The following REDIC1 variants were observed in gnomAD, a reference collection of about 807,000 sequenced individuals.
REDIC1 encodes the protein regulator of DNA class I crossover intermediates 1, also known as HEI10 Interacting Protein 1.
At chr12:39,834,228 G>C in the REDIC1 span, among the ~76,000 whole-genome samples, 1 of 151,964 alleles carries the variant, frequency 6.6e-6, no homozygotes, top group South Asian at 2.1e-4. Flanking sequence ...TGACTCTTGA[G>C]ATAGGTCAAA....
At chr12:39,735,448 G>T in the REDIC1 span, among the ~76,000 whole-genome samples, 2 of 152,312 alleles carry the variant, frequency 1.3e-5, no homozygotes, top group African/African-American at 2.4e-5. Flanking sequence ...CAAGGAGAAT[G>T]TTGATGATGA....
the REDIC1 span, among the ~76,000 whole-genome samples, chr12:39,903,087 G>A: frequency 6.6e-6 from 1 of 152,132 alleles, no homozygotes; most frequent in Non-Finnish European, 1.5e-5. Flanking sequence ...TCGTAATAAT[G>A]AGTCCAATTA....
chr12:39,781,107 C>A, the REDIC1 span, among the ~76,000 whole-genome samples: 1 of 152,118 alleles, frequency 6.6e-6, no homozygotes, highest in African/African-American at 2.4e-5. Flanking sequence ...TTTTTACTCA[C>A]TTCCTGATTT....
the REDIC1 span, among the ~76,000 whole-genome samples, chr12:39,887,196 TC>T: frequency 6.6e-6 from 1 of 152,246 alleles, no homozygotes; most frequent in Non-Finnish European, 1.5e-5. Flanking sequence ...AAGTCTTTTG[TC>T]TAGTTTAGCA....
At chr12:39,727,047 T>C in the REDIC1 span, among the ~76,000 whole-genome samples, 5 of 152,220 alleles carry the variant, frequency 3.3e-5, no homozygotes, top group Non-Finnish European at 7.3e-5. Flanking sequence ...GTAAGTTCCT[T>C]GCAGATTCTG....
chr12:39,858,659 T>G, the REDIC1 span, among the ~76,000 whole-genome samples: 2 of 152,156 alleles, frequency 1.3e-5, no homozygotes, highest in African/African-American at 4.8e-5. Context: ...TGGGCTGGAG[T>G]GCAATGGCAC....
At chr12:39,712,512 C>T in the REDIC1 span, among the ~76,000 whole-genome samples, 6 of 139,588 alleles carry the variant, frequency 4.3e-5, no homozygotes, top group South Asian at 8.7e-4. Flanking sequence ...TACGTATGTA[C>T]GTATATACAC....
chr12:39,766,550 A>C, the REDIC1 span, among the ~76,000 whole-genome samples: 1 of 152,016 alleles, frequency 6.6e-6, no homozygotes, highest in Non-Finnish European at 1.5e-5. Flanking sequence ...TTCTCAAAAT[A>C]AGACAACTGG....
the REDIC1 span, among the ~76,000 whole-genome samples, chr12:39,874,615 CAAAAAAAA>C: frequency 2.0e-5 from 2 of 101,118 alleles, no homozygotes; most frequent in Non-Finnish European, 4.0e-5. Flanking sequence ...AACTCCATCT[CAAAAAAAA>C]AAAAAAAAAA....
chr12:39,715,703 G>A, the REDIC1 span, among the ~76,000 whole-genome samples: 1 of 151,926 alleles, frequency 6.6e-6, no homozygotes, highest in Middle Eastern at 3.4e-3. Context: ...TCACCAAAAC[G>A]AGTGTTTAAT....
chr12:39,724,053 G>C, the REDIC1 span, among the ~76,000 whole-genome samples: 1 of 152,040 alleles, frequency 6.6e-6, no homozygotes, highest in African/African-American at 2.4e-5. Flanking sequence ...CATTTCCCGA[G>C]GGGTGTCTTT....
chr12:39,702,147 G>A, the REDIC1 span, among the ~76,000 whole-genome samples: 2 of 152,100 alleles, frequency 1.3e-5, no homozygotes, highest in Non-Finnish European at 2.9e-5. Flanking sequence ...TAATGAATTT[G>A]GGAGCTGGTT....
chr12:39,847,803 A>G, the REDIC1 span, among the ~76,000 whole-genome samples: 1 of 152,100 alleles, frequency 6.6e-6, no homozygotes, highest in East Asian at 1.9e-4. Flanking sequence ...TATTTTTTTC[A>G]AATGCTTAAA....
the REDIC1 span, among the ~76,000 whole-genome samples, chr12:39,821,056 T>A: frequency 6.6e-6 from 1 of 152,236 alleles, no homozygotes; most frequent in East Asian, 1.9e-4. Flanking sequence ...TCATAATTTT[T>A]TACCCTTTCT....
the REDIC1 span, chr12:39,692,119 A>G: frequency 6.5e-7 from 1 of 1,544,072 alleles, no homozygotes; most frequent in Admixed American, 1.8e-5. Flanking sequence ...ATCTGTCAGT[A>G]TAACTGTATA....
At chr12:39,822,152 G>C in the REDIC1 span, among the ~76,000 whole-genome samples, 1 of 141,910 alleles carries the variant, frequency 7.0e-6, no homozygotes, top group South Asian at 2.2e-4. Flanking sequence ...TCCCACCTAT[G>C]AGTGAGAATA....
the REDIC1 span, among the ~76,000 whole-genome samples, chr12:39,890,513 A>G: frequency 6.6e-6 from 1 of 152,214 alleles, no homozygotes; most frequent in African/African-American, 2.4e-5. Context: ...TAATATAAGC[A>G]TGAGAGTCTT....
the REDIC1 span, among the ~76,000 whole-genome samples, chr12:39,896,546 G>T: frequency 7.1e-6 from 1 of 141,110 alleles, no homozygotes; most frequent in African/African-American, 2.7e-5. Context: ...GTATGTATGT[G>T]TGTATACATG....
chr12:39,650,382 G>A, the REDIC1 span: 6 of 1,594,416 alleles, frequency 3.8e-6, no homozygotes, highest in South Asian at 6.9e-5. This position sits in a 1 kb window ranked among gnomAD's most constrained non-coding sequence, Gnocchi z 4.3. Flanking sequence ...AGGAAATAAA[G>A]AAGCTGTAGC....
Sources: gnomAD v4.1 joint callset for allele counts (sites outside exome capture counted in the v4.1 genomes callset) on GRCh38, gnomAD v4.1.1 for gene constraint, Gnocchi (gnomAD v3.1) non-coding constraint, MANE v1.5 for transcripts, NCBI Gene and HGNC (gene_info 2026-07-23, HGNC 2026-07-21) for gene names.